The following TUSC3 variants were observed in gnomAD, a reference collection of about 807,000 sequenced individuals.
The protein encoded by TUSC3 is dolichyl-diphosphooligosaccharide--protein glycosyltransferase subunit TUSC3.
A neutral mutation model predicts 44.8 loss-of-function variants in TUSC3; 45 were observed. That is an observed-to-expected ratio of 1.00 (90% CI 0.79 to 1.29). The LOEUF is 1.29. TUSC3 is among the 50% of genes most tolerant of loss of function. TUSC3 has a pLI of 0.00. For missense variants in TUSC3, 519 were observed against 437.9 expected (o/e 1.19, Z -1.65); for synonymous variants, 212 against 152.9 (o/e 1.39, Z -2.85).
intron 1 of TUSC3, among the ~76,000 whole-genome samples, chr8:15,583,888 G>C (rs1373416251): frequency 6.6e-6 from 1 of 152,160 alleles, no homozygotes; most frequent in Non-Finnish European, 1.5e-5. Flanking sequence ...TGAGGATGTA[G>C]TTTTTGGAAG....
intron 2 of TUSC3, among the ~76,000 whole-genome samples, chr8:15,633,263 C>T (rs1248165168): frequency 2.0e-5 from 3 of 152,100 alleles, no homozygotes; most frequent in Non-Finnish European, 4.4e-5. Flanking sequence ...TGTCTTGGTC[C>T]ACAAAGAAGT....
At chr8:15,838,020 C>G in the TUSC3 span, among the ~76,000 whole-genome samples, 2 of 152,082 alleles carry the variant, frequency 1.3e-5, no homozygotes, top group Non-Finnish European at 2.9e-5. Flanking sequence ...TTATGCTTTA[C>G]TTCTTTGCTA....
At chr8:15,525,227 C>T (rs957764238) in intron 2 of TUSC3, among the ~76,000 whole-genome samples, 2 of 152,230 alleles carry the variant, frequency 1.3e-5, no homozygotes, top group African/African-American at 4.8e-5. Context: ...TCCTCTATAC[C>T]TAAGTAAAAC....
At chr8:15,583,727 G>T (rs1204178368) in intron 1 of TUSC3, among the ~76,000 whole-genome samples, 1 of 152,178 alleles carries the variant, frequency 6.6e-6, no homozygotes, top group Non-Finnish European at 1.5e-5. Flanking sequence ...GCCATATTTT[G>T]TGGGAGGTTT....
intron 1 of TUSC3, among the ~76,000 whole-genome samples, chr8:15,587,496 A>G (rs924542742): frequency 6.6e-6 from 1 of 152,164 alleles, no homozygotes; most frequent in African/African-American, 2.4e-5. Context: ...CCATGTATGT[A>G]TCCAATGTGC....
At chr8:15,730,889 T>G (rs533642161) in intron 7 of TUSC3, among the ~76,000 whole-genome samples, 160 bp downstream of exon 7, 2 of 152,284 alleles carry the variant, frequency 1.3e-5, no homozygotes, top group South Asian at 2.1e-4. Context: ...AATTATTTCC[T>G]ATTACGGTAT....
At chr8:15,554,075 G>C (rs1188055979) in intron 1 of TUSC3, among the ~76,000 whole-genome samples, 1 of 151,442 alleles carries the variant, frequency 6.6e-6, no homozygotes, top group Non-Finnish European at 1.5e-5. Flanking sequence ...CCACTTTCTC[G>C]GAGATGGCAC....
intron 10 of TUSC3, among the ~76,000 whole-genome samples, chr8:15,759,763 C>T (rs796970591): frequency 1.3e-5 from 2 of 152,218 alleles, no homozygotes; most frequent in South Asian, 2.1e-4. Context: ...CAAGTCCTGA[C>T]CTTTCTCATG....
At chr8:15,790,035 G>A in the TUSC3 span, among the ~76,000 whole-genome samples, 1 of 152,104 alleles carries the variant, frequency 6.6e-6, no homozygotes, top group Non-Finnish European at 1.5e-5. Flanking sequence ...GAAGCATGTG[G>A]GCTGTTGGCA....
chr8:15,572,792 T>TG (rs1450401066), intron 1 of TUSC3, among the ~76,000 whole-genome samples: 2 of 151,954 alleles, frequency 1.3e-5, no homozygotes, highest in Non-Finnish European at 2.9e-5. Flanking sequence ...AGAGTGGAGG[T>TG]GGGGAATGGG....
intron 5 of TUSC3, among the ~76,000 whole-genome samples, chr8:15,662,568 CTT>C (rs1382841065): frequency 6.6e-6 from 1 of 151,926 alleles, no homozygotes; most frequent in African/African-American, 2.4e-5. Context: ...TATGGTAAGA[CTT>C]GATCAGAATT....
In TUSC3 at chr8:15,481,949, C is replaced by T. The variant is rs182057329; in HGVS notation, n.92-1437C>T. The stretch of plus-strand genomic sequence containing the variant: ...AAAGACTTCTCCACAGCATGTGATG[C>T]TATTTGATACCATTTTACCACTTTG... On this transcript the variant is annotated intron_variant and non_coding_transcript_variant, in intron 1 of 5. Transcript: ENST00000503191. Among the ~76,000 whole-genome samples the T allele has an allele frequency of 1.3e-3, 196 of 152,302 alleles. 1 individual carries two copies. Among genetic ancestry groups the T allele is most frequent in the African/African-American group, 4.5e-3 (185 of 41,568 alleles).
the TUSC3 span, among the ~76,000 whole-genome samples, chr8:15,816,118 G>C: frequency 2.0e-5 from 3 of 152,138 alleles, no homozygotes; most frequent in South Asian, 6.2e-4. Flanking sequence ...TCCCCAGTTA[G>C]CAACTGTCTT....
the TUSC3 span, among the ~76,000 whole-genome samples, chr8:15,832,150 A>C: frequency 6.6e-6 from 1 of 152,174 alleles, no homozygotes; most frequent in Non-Finnish European, 1.5e-5. Context: ...GAACATTCTT[A>C]AATAAAAGAA....
chr8:15,736,250 A>C (rs1457410305), intron 7 of TUSC3, among the ~76,000 whole-genome samples: 3 of 152,136 alleles, frequency 2.0e-5, no homozygotes, highest in Non-Finnish European at 4.4e-5. Context: ...TGACAGTGCA[A>C]ATAATTCTTC....
chr8:15,451,252 A>AT (rs1480569710), intron 1 of TUSC3, among the ~76,000 whole-genome samples: 1 of 152,156 alleles, frequency 6.6e-6, no homozygotes, highest in Admixed American at 6.5e-5. Flanking sequence ...GTTTCCTGGC[A>AT]TACAGCTCCT....
intron 6 of TUSC3, among the ~76,000 whole-genome samples, chr8:15,677,826 A>G (rs58341574): frequency 0.13 from 19,669 of 152,194 alleles, 2,359 homozygotes; most frequent in African/African-American, 0.31. Flanking sequence ...GAAGGGTGCC[A>G]TGGGTGGGAG....
At chr8:15,561,547 T>A (rs376625554) in intron 1 of TUSC3, 1 of 151,786 alleles carries the variant, frequency 6.6e-6, no homozygotes, top group Admixed American at 6.6e-5. Flanking sequence ...TCGAGCTTCC[T>A]GGCTGCTTTG....
At chr8:15,795,474 A>T in the TUSC3 span, among the ~76,000 whole-genome samples, 2 of 152,172 alleles carry the variant, frequency 1.3e-5, no homozygotes, top group Admixed American at 1.3e-4. Context: ...GTTGCACATT[A>T]AAAAATGTGT....
Sources: allele counts gnomAD v4.1 joint callset (sites outside exome capture counted in the v4.1 genomes callset), GRCh38; gene constraint gnomAD v4.1.1; transcripts MANE v1.5; gene names NCBI Gene and HGNC (gene_info 2026-07-23, HGNC 2026-07-21).